Variants in ACOXL observed in about 807,000 individuals in gnomAD.
ACOXL encodes the protein acyl-CoA oxidase like, also known as acyl-coenzyme A oxidase-like protein.
Under a neutral mutation model 71.9 loss-of-function variants are expected in ACOXL, and 70 were observed. The observed-to-expected ratio is 0.97, with a 90% CI of 0.80 to 1.19. ACOXL has a LOEUF of 1.19. ACOXL is among the 50% of genes most tolerant of loss of function. The pLI, the probability that ACOXL is intolerant of heterozygous loss-of-function variation, is 0.00. For missense variants in ACOXL, 703 were observed against 736.3 expected, an observed-to-expected ratio of 0.95 and a Z score of 0.52; for synonymous variants, 253 against 281.6, an observed-to-expected ratio of 0.90 and a Z score of 1.02.
chr2:111,019,878 T>C (rs2064663359), intron 14 of ACOXL, among the ~76,000 whole-genome samples: 2 of 152,154 alleles, frequency 1.3e-5, no homozygotes, highest in Non-Finnish European at 2.9e-5. Flanking sequence ...TCTTTTTTTT[T>C]GAAACGGAGT....
chr2:111,025,742 A>T (rs1415386122), intron 14 of ACOXL, among the ~76,000 whole-genome samples: 1 of 152,186 alleles, frequency 6.6e-6, no homozygotes, highest in Non-Finnish European at 1.5e-5. Context: ...TTTTTGCCTC[A>T]TCCATTACCT....
intron 16 of ACOXL, among the ~76,000 whole-genome samples, chr2:111,072,327 A>G (rs1016057839): frequency 1.3e-5 from 2 of 152,188 alleles, no homozygotes; most frequent in African/African-American, 4.8e-5. Context: ...TTCCATATAA[A>G]TGTAATCATA....
chr2:111,005,073 G>T (rs2063809035), intron 14 of ACOXL, among the ~76,000 whole-genome samples: 1 of 152,180 alleles, frequency 6.6e-6, no homozygotes, highest in Non-Finnish European at 1.5e-5. Flanking sequence ...GCAAATGGAA[G>T]GATGAGAATA....
intron 11 of ACOXL, among the ~76,000 whole-genome samples, chr2:110,926,849 C>T (rs1024461165): frequency 6.6e-6 from 1 of 152,138 alleles, no homozygotes. Flanking sequence ...CTCTTCAAAT[C>T]CACTCTCCAG....
chr2:110,856,447 G>A (rs1328557232), intron 10 of ACOXL, among the ~76,000 whole-genome samples: 2 of 152,146 alleles, frequency 1.3e-5, no homozygotes, highest in African/African-American at 2.4e-5. Flanking sequence ...CGTGATGCTG[G>A]CAATTGGGAT....
intron 3 of ACOXL, among the ~76,000 whole-genome samples, chr2:110,787,144 T>C (rs1309324183): frequency 6.6e-6 from 1 of 152,170 alleles, no homozygotes; most frequent in Non-Finnish European, 1.5e-5. Flanking sequence ...TAGATGCTTC[T>C]ATTTCATTGA....
At chr2:111,079,918 CA>C (rs2067813810) in intron 16 of ACOXL, among the ~76,000 whole-genome samples, 1 of 148,566 alleles carries the variant, frequency 6.7e-6, no homozygotes, top group Admixed American at 6.7e-5. Flanking sequence ...TAATTCCATT[CA>C]GGGATTCAAC....
intron 10 of ACOXL, among the ~76,000 whole-genome samples, chr2:110,906,597 A>G (rs2059457004): frequency 6.6e-6 from 1 of 151,408 alleles, no homozygotes; most frequent in Non-Finnish European, 1.5e-5. Flanking sequence ...AAAAAAAAAA[A>G]AAAAAAACCA....
chr2:110,862,873 C>T (rs1302769501), intron 10 of ACOXL, among the ~76,000 whole-genome samples: 1 of 152,186 alleles, frequency 6.6e-6, no homozygotes, highest in Non-Finnish European at 1.5e-5. Flanking sequence ...GGCAGTCCAG[C>T]GGCACCCGGG....
At chr2:110,898,556 C>G (rs957300201) in intron 10 of ACOXL, among the ~76,000 whole-genome samples, 11 of 152,116 alleles carry the variant, frequency 7.2e-5, no homozygotes, top group African/African-American at 2.7e-4. Flanking sequence ...CATGTGAAAA[C>G]ACTCATTCAA....
intron 9 of ACOXL, among the ~76,000 whole-genome samples, chr2:110,830,906 T>C (rs549486265): frequency 1.3e-5 from 2 of 152,164 alleles, no homozygotes; most frequent in Non-Finnish European, 2.9e-5. Flanking sequence ...GTAAGTTGTT[T>C]TTCAGCAATA....
intron 14 of ACOXL, among the ~76,000 whole-genome samples, chr2:110,998,690 A>G (rs944961787): frequency 1.3e-5 from 2 of 152,196 alleles, no homozygotes; most frequent in Non-Finnish European, 2.9e-5. Context: ...CAACATTTCC[A>G]TTACAATATG....
intron 12 of ACOXL, among the ~76,000 whole-genome samples, chr2:110,950,838 A>AG (rs1418660040): frequency 2.1e-5 from 3 of 144,712 alleles, no homozygotes; most frequent in South Asian, 2.3e-4. Context: ...AGAGAGAGGG[A>AG]AGTTCTGGAA....
chr2:110,815,359 T>G (rs1431573448), intron 9 of ACOXL, among the ~76,000 whole-genome samples: 1 of 152,222 alleles, frequency 6.6e-6, no homozygotes, highest in Non-Finnish European at 1.5e-5. Flanking sequence ...AGTAATATCT[T>G]CAAGCTTCTT....
intron 2 of ACOXL, among the ~76,000 whole-genome samples, chr2:110,769,063 C>A (rs868020846): frequency 1.4e-4 from 21 of 151,744 alleles, no homozygotes; most frequent in African/African-American, 4.8e-4. Flanking sequence ...GTACACAAAA[C>A]CCATATAATT....
intron 9 of ACOXL, among the ~76,000 whole-genome samples, chr2:110,817,999 T>C (rs1688116691): frequency 6.6e-6 from 1 of 150,464 alleles, no homozygotes. Flanking sequence ...AGCCAAATTA[T>C]ACCTTTTACT....
chr2:111,045,128 G>A (rs1258590324), intron 15 of ACOXL, among the ~76,000 whole-genome samples: 1 of 152,156 alleles, frequency 6.6e-6, no homozygotes, highest in Admixed American at 6.6e-5. Flanking sequence ...AAGTGATTCC[G>A]CCAAGAGTCC....
intron 16 of ACOXL, among the ~76,000 whole-genome samples, chr2:111,071,505 T>C (rs980860029): frequency 6.6e-6 from 1 of 152,226 alleles, no homozygotes; most frequent in Non-Finnish European, 1.5e-5. Flanking sequence ...ACTAGGAGAT[T>C]GTGCCACTGC....
chr2:110,794,001 T>G, intron 4 of ACOXL, 75 bp from the exon 5 acceptor site: 1 of 1,440,264 alleles, frequency 6.9e-7, no homozygotes, highest in Non-Finnish European at 9.7e-7. Context: ...CCACCATTCT[T>G]AATGGTCCGA....
Sources: gnomAD v4.1 joint callset for allele counts (sites outside exome capture counted in the v4.1 genomes callset) on GRCh38, gnomAD v4.1.1 for gene constraint, MANE v1.5 for transcripts, NCBI Gene and HGNC (gene_info 2026-07-23, HGNC 2026-07-21) for gene names.